The following NCKAP5 variants were observed in gnomAD, a reference collection of about 807,000 sequenced individuals.
NCKAP5 encodes the protein nck-associated protein 5.
A neutral mutation model predicts 167.0 loss-of-function variants in NCKAP5; 92 were observed. The observed-to-expected ratio is 0.55, with a 90% CI of 0.47 to 0.66. The LOEUF is 0.66. Ranked by LOEUF, NCKAP5 falls within the 30% of genes least tolerant of loss-of-function variation. The pLI is 0.00. For synonymous variants in NCKAP5, 891 were observed against 877.4 expected (o/e 1.02, Z -0.27); for missense variants, 2,378 against 2,315.0 (o/e 1.03, Z -0.56).
intron 19 of NCKAP5, among the ~76,000 whole-genome samples, chr2:132,710,846 A>G (rs1388019752): frequency 2.0e-5 from 3 of 152,212 alleles, no homozygotes; most frequent in Non-Finnish European, 4.4e-5. Flanking sequence ...CAGGAGAACC[A>G]AAGAGATATT....
chr2:133,325,897 A>G (rs1682403591), intron 3 of NCKAP5, among the ~76,000 whole-genome samples: 1 of 152,160 alleles, frequency 6.6e-6, no homozygotes, highest in Admixed American at 6.5e-5. Flanking sequence ...CCCCCTCTTA[A>G]AAATGCTTGC....
chr2:133,440,248 T>A (rs1690748648), intron 3 of NCKAP5, among the ~76,000 whole-genome samples: 3 of 152,228 alleles, frequency 2.0e-5, no homozygotes, highest in Admixed American at 1.3e-4. Context: ...GCTCTGACCC[T>A]TGACATCTGT....
At chr2:133,369,881 G>A (rs1047534859) in intron 3 of NCKAP5, among the ~76,000 whole-genome samples, 3 of 152,220 alleles carry the variant, frequency 2.0e-5, no homozygotes, top group African/African-American at 7.2e-5. Context: ...TGCTTGAAGT[G>A]TTTTTTAAGA....
intron 3 of NCKAP5, chr2:133,433,831 A>C (rs143425344): frequency 6.6e-6 from 1 of 152,292 alleles, no homozygotes; most frequent in East Asian, 1.9e-4. Flanking sequence ...TTTCTCAGGA[A>C]CCCAAGTCTT....
chr2:133,173,505 A>G (rs2084332986), intron 5 of NCKAP5, among the ~76,000 whole-genome samples: 1 of 152,082 alleles, frequency 6.6e-6, no homozygotes, highest in South Asian at 2.1e-4. Context: ...ATCCTCCACC[A>G]TCCCCCAGGT....
chr2:132,684,902 G>C (rs1412115316), intron 19 of NCKAP5, among the ~76,000 whole-genome samples: 1 of 152,194 alleles, frequency 6.6e-6, no homozygotes, highest in East Asian at 1.9e-4. Context: ...AGAAGGGAAG[G>C]AGGGCAGGCA....
At chr2:132,939,050 T>C (rs1697072261) in intron 8 of NCKAP5, among the ~76,000 whole-genome samples, 1 of 152,230 alleles carries the variant, frequency 6.6e-6, no homozygotes, top group South Asian at 2.1e-4. Context: ...TATGAAACCA[T>C]CGTGTCTTCC....
chr2:133,366,208 A>G lies in NCKAP5; in HGVS notation c.70-63098T>C, dbSNP rs140268172. 4.5e-3 allele frequency among the ~76,000 whole-genome samples: 684 copies of G among 152,334 alleles called. 19 individuals carry two copies. Among genetic ancestry groups the G allele is most frequent in the Admixed American group, 0.028 (425 of 15,300 alleles). On this transcript the variant is annotated intron_variant, in intron 3 of 19. Coordinates refer to ENST00000409261, the MANE Select transcript of NCKAP5 (RefSeq NM_207363.3). ...CTATTCTGAGAGCCTATCTCTGTAA[A>G]TCTCTTATCAATAGTAAGTAAAGAA...
intron 8 of NCKAP5, among the ~76,000 whole-genome samples, chr2:132,909,495 T>C (rs1694273973): frequency 6.6e-6 from 1 of 152,258 alleles, no homozygotes; most frequent in Admixed American, 6.5e-5. Context: ...TTTTCCCCTT[T>C]ATCAAAATGA....
At chr2:133,482,053 A>G (rs1033945905) in intron 3 of NCKAP5, among the ~76,000 whole-genome samples, 5 of 151,886 alleles carry the variant, frequency 3.3e-5, no homozygotes, top group African/African-American at 9.7e-5. Flanking sequence ...ACGTTTTTTA[A>G]TCTTCCACAA....
intron 8 of NCKAP5, among the ~76,000 whole-genome samples, chr2:132,950,938 G>A (rs915880955): frequency 2.0e-5 from 3 of 152,068 alleles, no homozygotes; most frequent in Non-Finnish European, 2.9e-5. Flanking sequence ...TGATGTCACA[G>A]GAAAAGGTAT....
intron 19 of NCKAP5, among the ~76,000 whole-genome samples, chr2:132,677,763 A>T (rs1038389125): frequency 3.3e-5 from 5 of 152,096 alleles, no homozygotes; most frequent in African/African-American, 1.2e-4. Flanking sequence ...GGTTCTAGGA[A>T]ACTCAACCAG....
intron 5 of NCKAP5, among the ~76,000 whole-genome samples, chr2:133,149,318 C>T (rs1377050335): frequency 6.6e-6 from 1 of 152,076 alleles, no homozygotes; most frequent in Non-Finnish European, 1.5e-5. Context: ...ACTGGTATAT[C>T]CAAAACCAGA....
intron 8 of NCKAP5, among the ~76,000 whole-genome samples, chr2:132,950,609 G>A (rs922736148): frequency 6.6e-6 from 1 of 152,176 alleles, no homozygotes; most frequent in Non-Finnish European, 1.5e-5. Flanking sequence ...TTTCTTATTT[G>A]TCTTTCTCTC....
chr2:133,338,971 G>A (rs769950217), intron 3 of NCKAP5, among the ~76,000 whole-genome samples: 17 of 152,176 alleles, frequency 1.1e-4, no homozygotes, highest in Non-Finnish European at 8.8e-5. Context: ...AGTGAGCCAA[G>A]ATCTTGCCAC....
chr2:133,265,278 G>C (rs112541756), intron 4 of NCKAP5, among the ~76,000 whole-genome samples: 12 of 152,298 alleles, frequency 7.9e-5, no homozygotes, highest in South Asian at 4.2e-4. Flanking sequence ...AGGATAAGAA[G>C]AGAAATTCCG....
At chr2:132,789,729 G>T (rs115143964) in intron 13 of NCKAP5, among the ~76,000 whole-genome samples, 2 of 152,276 alleles carry the variant, frequency 1.3e-5, no homozygotes, top group Non-Finnish European at 2.9e-5. Context: ...TCTAGTAGTA[G>T]TAATTATTAA....
the NCKAP5 span, among the ~76,000 whole-genome samples, chr2:133,658,738 T>C: frequency 1.2e-4 from 18 of 152,204 alleles, no homozygotes; most frequent in Admixed American, 1.1e-3. Flanking sequence ...ATAATCCCTG[T>C]GCTTCCTGCT....
chr2:133,617,056 G>T, the NCKAP5 span, among the ~76,000 whole-genome samples: 7 of 152,042 alleles, frequency 4.6e-5, no homozygotes, highest in South Asian at 4.2e-4. Context: ...AAAAACCACA[G>T]GATTATCTCA....
Sources: gnomAD v4.1 joint callset for allele counts (sites outside exome capture counted in the v4.1 genomes callset) on GRCh38, gnomAD v4.1.1 for gene constraint, MANE v1.5 for transcripts, NCBI Gene and HGNC (gene_info 2026-07-23, HGNC 2026-07-21) for gene names.